The following YJU2 variants were observed in gnomAD, a reference collection of about 807,000 sequenced individuals.
YJU2 encodes YJU2 splicing factor homolog.
YJU2 carries 28 observed loss-of-function variants against 39.6 expected under a neutral mutation model. The observed-to-expected ratio is 0.71, with a 90% CI of 0.52 to 0.97. The LOEUF (loss-of-function observed/expected upper bound fraction) is 0.97. YJU2 is among the 50% of genes least tolerant of loss of function. The pLI, the probability that YJU2 is intolerant of heterozygous loss-of-function variation, is 0.00. For synonymous variants in YJU2, 184 were observed against 182.4 expected, an observed-to-expected ratio of 1.01 and a Z score of -0.07; for missense variants, 328 against 430.4, an observed-to-expected ratio of 0.76 and a Z score of 2.11.
At chr19:4,256,893 A>G (rs947359689) in intron 4 of YJU2, among the ~76,000 whole-genome samples, 7 of 152,178 alleles carry the variant, frequency 4.6e-5, no homozygotes, top group African/African-American at 1.2e-4. Flanking sequence ...TTTACATCCT[A>G]GTCTCAGAAG....
intron 4 of YJU2, among the ~76,000 whole-genome samples, chr19:4,257,882 C>T (rs1251175041): frequency 1.3e-5 from 2 of 152,172 alleles, no homozygotes; most frequent in Admixed American, 6.6e-5. Context: ...GGATTACAGA[C>T]GTGAGCCACT....
chr19:4,252,173 C>T (rs1483691408), intron 3 of YJU2, among the ~76,000 whole-genome samples: 1 of 148,250 alleles, frequency 6.7e-6, no homozygotes, highest in African/African-American at 2.6e-5. Context: ...ATTAAAAAAA[C>T]ATTTTGGGCT....
chr19:4,254,614 T>C, intron 4 of YJU2, 125 bp downstream of exon 4: 1 of 1,376,852 alleles, frequency 7.3e-7, no homozygotes, highest in Non-Finnish European at 9.6e-7. Context: ...GCGTGGTTGG[T>C]AAAACTTTAA....
At position 4,268,615 on chromosome 19, in the gene YJU2, T is replaced by C. The variant is rs1421409221; in HGVS notation, c.891T>C (p.Pro297=). 5.6e-6 allele frequency: 9 copies of C among 1,613,578 alleles called. No homozygotes were observed. In the Admixed American group the frequency reaches 1.5e-4, roughly 27 times the overall value. Reference sequence around the variant, plus strand: ...CGCAGAACAGGAAGGAGGCCAACCCTACACCCCTGACGCCTGGCGCGTCCT... The same window carrying C: ...CGCAGAACAGGAAGGAGGCCAACCCCACACCCCTGACGCCTGGCGCGTCCT... ...GAPQNRKEAN[P]TPLTPGASSL... is the part of the protein sequence containing the mutation. The change falls in exon 8 of 8, where the codon CCT becomes CCC. Residue 297 remains proline, a synonymous_variant. Coordinates refer to ENST00000262962, the MANE Select transcript of YJU2 (RefSeq NM_018074.6).
At chr19:4,254,002 G>T (rs1227423960) in intron 3 of YJU2, among the ~76,000 whole-genome samples, 1 of 152,110 alleles carries the variant, frequency 6.6e-6, no homozygotes, top group Non-Finnish European at 1.5e-5. Flanking sequence ...TAGAGACAGG[G>T]TTTCTCCATG....
chr19:4,264,849 C>T (rs866984617), intron 6 of YJU2, among the ~76,000 whole-genome samples: 2 of 152,008 alleles, frequency 1.3e-5, no homozygotes, highest in Admixed American at 6.6e-5. Flanking sequence ...GCTGGTCTCA[C>T]GCACCTGGCC....
At chr19:4,262,546 C>A (rs1317301614) in intron 6 of YJU2, among the ~76,000 whole-genome samples, 2 of 152,124 alleles carry the variant, frequency 1.3e-5, no homozygotes, top group African/African-American at 4.8e-5. Context: ...AACTCCTCCA[C>A]CCTGTGGCTG....
intron 5 of YJU2, among the ~76,000 whole-genome samples, chr19:4,261,702 G>A (rs1020269077): frequency 5.9e-5 from 9 of 151,884 alleles, no homozygotes; most frequent in East Asian, 1.9e-4. Context: ...ATAGGAACAC[G>A]CCTGTGGACC....
intron 2 of YJU2, among the ~76,000 whole-genome samples, chr19:4,249,867 C>T (rs563447206): frequency 5.9e-5 from 9 of 152,166 alleles, no homozygotes; most frequent in African/African-American, 7.2e-5. Context: ...CCACCACGCC[C>T]GGCTAATTTT....
intron 1 of YJU2, among the ~76,000 whole-genome samples, chr19:4,247,663 GTGTGTGTGTGTGTGTGTGT>G (rs1970941127): frequency 1.1e-5 from 1 of 87,588 alleles, no homozygotes; most frequent in Non-Finnish European, 2.4e-5. Context: ...GTGTGTGTGT[GTGTGTGTGTGTGTGTGTGT>G]GTGTGTGTGT....
chr19:4,259,862 G>C (rs191893460), intron 5 of YJU2, among the ~76,000 whole-genome samples: 1 of 152,248 alleles, frequency 6.6e-6, no homozygotes, highest in East Asian at 1.9e-4. Flanking sequence ...TGCCTGATGG[G>C]TGTGCAGAGC....
chr19:4,247,124 T>G lies in YJU2; in HGVS notation c.-23T>G. The stretch of plus-strand genomic sequence containing the variant: ...CCAGCCTAACCATTTCTCAGGTGCT[T>G]GCGAGGTGATCAGAAGGCAAAGATG... On this transcript the variant is annotated 5_prime_UTR_variant, in exon 1 of 8. Transcript: ENST00000262962. The G allele has an allele frequency of 6.2e-7, 1 of 1,612,830 alleles. No individual in the cohort carries two copies. The highest frequency in any genetic ancestry group is 1.1e-5 in the South Asian group (1 of 91,052).
intron 6 of YJU2, 69 bp from the exon 7 acceptor site, chr19:4,267,555 T>A (rs1971124876): frequency 6.6e-6 from 10 of 1,524,034 alleles, no homozygotes; most frequent in Non-Finnish European, 9.0e-6. Flanking sequence ...TGAGCAGGGG[T>A]TGTGGCGAGG....
Position 4,249,323 on chromosome 19 carries a change from C to T in YJU2, c.120C>T (p.Asn40=), listed in dbSNP as rs991134414. ...TGGTGCGGCTGATGGCCCCCTTCAA[C>T]ATGAGGTGAGCACCCCCTGCGTGAC... is the stretch of plus-strand genomic sequence containing the variant. ...QYVVRLMAPF[N]MRCKTCGEYI... The change falls in exon 2 of 8, where the codon AAC becomes AAT. Residue 40 remains asparagine (N), a synonymous_variant. Transcript: ENST00000262962. 1 of 1,610,656 alleles carries T rather than the reference C, an allele frequency of 6.2e-7. No individual in the cohort carries two copies. Among genetic ancestry groups the T allele is most frequent in the Non-Finnish European group, 8.5e-7 (1 of 1,177,242 alleles).
At chr19:4,264,829 T>TGTTGCCCAG in intron 6 of YJU2, among the ~76,000 whole-genome samples, 1 of 152,266 alleles carries the variant, frequency 6.6e-6, no homozygotes, top group South Asian at 2.1e-4. Flanking sequence ...GGTCTTGCTG[T>TGTTGCCCAG]GTTGCCCAGG....
At chr19:4,257,744 G>T (rs1041686347) in intron 4 of YJU2, among the ~76,000 whole-genome samples, 1 of 152,132 alleles carries the variant, frequency 6.6e-6, no homozygotes, top group African/African-American at 2.4e-5. Flanking sequence ...AAAGTGCTGG[G>T]ATTACAGGCG....
intron 3 of YJU2, among the ~76,000 whole-genome samples, chr19:4,252,069 G>T (rs1438361954): frequency 2.0e-5 from 3 of 152,074 alleles, no homozygotes; most frequent in African/African-American, 7.2e-5. Flanking sequence ...GTTACCTTGA[G>T]AATTTAAGGA....
At chr19:4,247,627 GTGTGTGTGTGTGT>G (rs1970937671) in intron 1 of YJU2, among the ~76,000 whole-genome samples, 1 of 49,048 alleles carries the variant, frequency 2.0e-5, no homozygotes, top group African/African-American at 1.2e-4. Context: ...GTGTGTGTGT[GTGTGTGTGTGTGT>G]GTGTGTGTGT....
intron 2 of YJU2, among the ~76,000 whole-genome samples, chr19:4,250,028 G>T (rs1970962981): frequency 1.3e-5 from 2 of 151,994 alleles, no homozygotes; most frequent in African/African-American, 4.8e-5. Flanking sequence ...CTTACACATG[G>T]CAGGCTCCTC....
Sources: gnomAD v4.1 joint callset for allele counts (sites outside exome capture counted in the v4.1 genomes callset) on GRCh38, gnomAD v4.1.1 for gene constraint, MANE v1.5 for transcripts, NCBI Gene and HGNC (gene_info 2026-07-23, HGNC 2026-07-21) for gene names.